The following CSPG5 variants were observed in gnomAD, a reference collection of about 807,000 sequenced individuals.
CSPG5 encodes acidic leucine-rich EGF-like domain-containing brain protein.
CSPG5 carries 25 observed loss-of-function variants against 39.8 expected under a neutral mutation model. The ratio of observed to expected loss-of-function variants is 0.63; its 90% CI spans 0.46 to 0.88. The LOEUF is 0.88. Ranked by LOEUF, CSPG5 falls within the 40% of genes least tolerant of loss-of-function variation. The pLI is 0.00. For synonymous variants in CSPG5, 295 were observed against 303.9 expected (o/e 0.97, Z 0.31); for missense variants, 627 against 702.2 (o/e 0.89, Z 1.21).
chr3:47,577,905 C>A lies in CSPG5; in HGVS notation c.121G>T (p.Glu41Ter). Residue 41 changes from glutamate to a stop codon, truncating the protein, a stop_gained, in exon 2 of 5, where the codon GAG becomes TAG. Transcript: ENST00000264723. LOFTEE classifies it high-confidence loss of function. The surrounding 1 kb of genome is among the most constrained non-coding windows in gnomAD (Gnocchi z 4.7). The part of the protein sequence containing the change: ...VPAREAGSAV[E>*]AEELVKGSPA... ...CTGCCCTTCACCAGCTCTTCGGCCTCAACCGCGCTGCCCGCCTCACGCGCT... is the reference window on the plus strand; with the variant it reads ...CTGCCCTTCACCAGCTCTTCGGCCTAAACCGCGCTGCCCGCCTCACGCGCT... The A allele has an allele frequency of 6.8e-7, 1 of 1,467,316 alleles. No homozygotes were observed. The highest frequency in any genetic ancestry group is 2.6e-5 in the East Asian group (1 of 38,870). The allele number at this position is 1,467,316 out of a possible 1,614,324, so 90.9% of individuals were successfully genotyped here.
chr3:47,577,981 C>G lies in CSPG5; in HGVS notation c.98-53G>C, dbSNP rs1369930256. On this transcript the variant is annotated intron_variant, in intron 1 of 4. Coordinates refer to ENST00000264723, the MANE Select transcript of CSPG5 (RefSeq NM_006574.4). The surrounding 1 kb of genome is among the most constrained non-coding windows in gnomAD (Gnocchi z 4.7). Reference sequence around the variant, plus strand: ...CGTCAGGGCGGCGCGCTGAGGAGCCCTGGAGCCCCGGCCCGCCCCGGTCAG... The same window carrying G: ...CGTCAGGGCGGCGCGCTGAGGAGCCGTGGAGCCCCGGCCCGCCCCGGTCAG... The G allele has an allele frequency of 7.3e-7, 1 of 1,369,796 alleles. No homozygotes were observed. The highest frequency in any genetic ancestry group is 9.3e-7 in the Non-Finnish European group (1 of 1,070,706). The allele number at this position is 1,369,796 out of a possible 1,614,324, so 84.9% of individuals were successfully genotyped here.
chr3:47,567,527 C>T (rs1163996402), intron 4 of CSPG5, among the ~76,000 whole-genome samples: 1 of 152,190 alleles, frequency 6.6e-6, no homozygotes, highest in Admixed American at 6.5e-5. Context: ...ATAATCTGTT[C>T]TTTTTCTACC....
chr3:47,564,859 C>T (rs528070575), intron 4 of CSPG5, among the ~76,000 whole-genome samples: 5 of 151,956 alleles, frequency 3.3e-5, no homozygotes, highest in African/African-American at 7.3e-5. Flanking sequence ...TTTTTTATTT[C>T]GTGTACTTCT....
intron 4 of CSPG5, among the ~76,000 whole-genome samples, chr3:47,567,853 G>A (rs762306369): frequency 6.6e-6 from 1 of 152,070 alleles, no homozygotes; most frequent in Non-Finnish European, 1.5e-5. Flanking sequence ...CTTTACAAAA[G>A]TTAAAATAAT....
At position 47,578,490 on chromosome 3, in the gene CSPG5, C is replaced by T. The variant is rs1324686195; in HGVS notation, c.97+107G>A. 9.8e-6 allele frequency: 3 copies of T among 306,612 alleles called. No homozygotes were observed. The highest frequency in any genetic ancestry group is 1.6e-5 in the Non-Finnish European group (3 of 182,736). 19.0% of individuals were successfully genotyped at this position (306,612 alleles called of 1,614,324 possible). A position where few individuals can be genotyped will look rare whatever the true frequency, so the allele number is the denominator to read the frequency against. ...GCCCGGCCGCGGCCAGGCGGTGCCCCGCCCCCTTGCCACAGCTCACAGCTC... is the reference window on the plus strand; with the variant it reads ...GCCCGGCCGCGGCCAGGCGGTGCCCTGCCCCCTTGCCACAGCTCACAGCTC... On this transcript the variant is annotated intron_variant, in intron 1 of 4. Coordinates refer to ENST00000264723, the MANE Select transcript of CSPG5 (RefSeq NM_006574.4). This position sits in a 1 kb window ranked among gnomAD's most constrained non-coding sequence, Gnocchi z 6.0.
At chr3:47,576,134 T>A (rs1173447031) in intron 2 of CSPG5, among the ~76,000 whole-genome samples, 1 of 151,744 alleles carries the variant, frequency 6.6e-6, no homozygotes. Context: ...ACAGGGTTTC[T>A]CCATGTTGGT....
chr3:47,568,089 T>C (rs1048160369), intron 4 of CSPG5, among the ~76,000 whole-genome samples: 1 of 152,212 alleles, frequency 6.6e-6, no homozygotes, highest in African/African-American at 2.4e-5. Context: ...CTGAGGCCCC[T>C]GTGAGGTCTG....
intron 2 of CSPG5, among the ~76,000 whole-genome samples, chr3:47,575,147 C>T (rs545235601): frequency 6.6e-6 from 1 of 150,598 alleles, no homozygotes; most frequent in African/African-American, 2.4e-5. Flanking sequence ...ATACCCTGGC[C>T]GGGCGTGGTG....
chr3:47,571,805 T>G (rs2031539365), intron 3 of CSPG5, among the ~76,000 whole-genome samples: 1 of 152,154 alleles, frequency 6.6e-6, no homozygotes, highest in Non-Finnish European at 1.5e-5. Flanking sequence ...CTGCATAAAT[T>G]GTCTCTGGGG....
In CSPG5 at chr3:47,562,739, T is replaced by G. The variant is rs1576366539; in HGVS notation, c.1481A>C (p.Lys494Thr). 1 of 1,613,828 alleles carries G rather than the reference T, an allele frequency of 6.2e-7. No individual in the cohort carries two copies. The highest frequency in any genetic ancestry group is 8.5e-7 in the Non-Finnish European group (1 of 1,179,932). ...GCAGGACTTGAGAACCTCCTGGATTTTGTGGGGAGCACTAGGATCATCCTG... is the reference window on the plus strand; with the variant it reads ...GCAGGACTTGAGAACCTCCTGGATTGTGTGGGGAGCACTAGGATCATCCTG... Reference protein sequence around the residue: ...HPNDDPSAPHKIQEVLKSCLK... With the variant: ...HPNDDPSAPHTIQEVLKSCLK... Residue 494 changes from lysine to threonine, a missense_variant, in exon 5 of 5, where the codon AAA (lysine) becomes ACA (threonine). Lys to Thr is a moderately conservative substitution (Grantham distance 78). Coordinates refer to ENST00000264723, the MANE Select transcript of CSPG5 (RefSeq NM_006574.4).
In CSPG5 at chr3:47,572,742, G is replaced by T; in HGVS notation, c.1326C>A (p.Phe442Leu). ...VLLLLFMMTV[F>L]FAKKLYLLKT... ...TGAGCAGGTAGAGCTTCTTGGCAAA[G>T]AACACCGTCATCATGAAGAGCAGGA... The change falls in exon 3 of 5, where the codon TTC (phenylalanine) becomes TTA (leucine). Residue 442 changes from phenylalanine to leucine, a missense_variant. By Grantham distance (22) the Phe-to-Leu change is conservative. Coordinates refer to ENST00000264723, the MANE Select transcript of CSPG5 (RefSeq NM_006574.4). The surrounding 1 kb of genome is among the most constrained non-coding windows in gnomAD (Gnocchi z 4.5). The T allele has an allele frequency of 6.2e-7, 1 of 1,614,162 alleles. No individual in the cohort carries two copies.
intron 3 of CSPG5, among the ~76,000 whole-genome samples, chr3:47,569,750 CT>C (rs145182794): frequency 0.56 from 75,043 of 134,554 alleles, 20,723 homozygotes; most frequent in East Asian, 0.7. Flanking sequence ...CTATTCTTTT[CT>C]TTTTTTTTTT....
rs570239186 is a variant in CSPG5 at position 47,578,083 on chromosome 3, C to T, written c.98-155G>A. 1.1e-5 allele frequency: 13 copies of T among 1,161,894 alleles called. No homozygotes were observed. The Admixed American group carries it at 5.0e-4, about 45-fold the overall frequency. The allele number at this position is 1,161,894 out of a possible 1,614,324, so 72.0% of individuals were successfully genotyped here. A position where few individuals can be genotyped will look rare whatever the true frequency, so the allele number is the denominator to read the frequency against. On this transcript the variant is annotated intron_variant, in intron 1 of 4. Transcript: ENST00000264723. This position sits in a 1 kb window ranked among gnomAD's most constrained non-coding sequence, Gnocchi z 6.0. The stretch of plus-strand genomic sequence containing the variant: ...CCGCCCCAGTGTGACCCCAGCCACC[C>T]GGTACCTCTAAGCCCCGTCCCGGAG...
At chr3:47,571,581 C>T (rs966506254) in intron 3 of CSPG5, among the ~76,000 whole-genome samples, 4 of 152,220 alleles carry the variant, frequency 2.6e-5, no homozygotes, top group African/African-American at 4.8e-5. Flanking sequence ...ATGGAGAGGC[C>T]GTACCAGCCC....
In CSPG5 at chr3:47,578,061, C is replaced by T; in HGVS notation, c.98-133G>A. ...ACCTCGCCACCCTCAGACCCCACCG[C>T]CCCAGTGTGACCCCAGCCACCCGGT... On this transcript the variant is annotated intron_variant, in intron 1 of 4. Transcript: ENST00000264723. The surrounding 1 kb of genome is among the most constrained non-coding windows in gnomAD (Gnocchi z 6.0). 1 of 1,270,124 alleles carries T rather than the reference C, an allele frequency of 7.9e-7. No individual in the cohort carries two copies. The highest frequency in any genetic ancestry group is 4.1e-5 in the Admixed American group (1 of 24,168). 78.7% of individuals were successfully genotyped at this position (1,270,124 alleles called of 1,614,324 possible).
chr3:47,577,332 G>T lies in CSPG5; in HGVS notation c.694C>A (p.Pro232Thr), dbSNP rs1469167874. 2 of 1,613,826 alleles carry T rather than the reference G, an allele frequency of 1.2e-6. No homozygotes were observed. Among genetic ancestry groups the T allele is most frequent in the Admixed American group, 3.3e-5 (2 of 59,990 alleles). Residue 232 changes from proline (P) to threonine (T), a missense_variant, in exon 2 of 5, where the codon CCA becomes ACA. Pro to Thr is a conservative substitution (Grantham distance 38). Transcript: ENST00000264723. This position sits in a 1 kb window ranked among gnomAD's most constrained non-coding sequence, Gnocchi z 4.7. ...TCAGGGTGGTTCTCTGAGGTTCCTG[G>T]TGACCCTGGGAAGCTCCCCAGATCT... Reference protein sequence around the residue: ...GADLGSFPGSPGTSENHPDTE... With the variant: ...GADLGSFPGSTGTSENHPDTE...
intron 2 of CSPG5, among the ~76,000 whole-genome samples, chr3:47,575,421 A>G (rs1159681894): frequency 6.6e-6 from 1 of 152,218 alleles, no homozygotes; most frequent in Non-Finnish European, 1.5e-5. Flanking sequence ...TTCTTCCGGA[A>G]TCAGGCTGCA....
chr3:47,567,243 G>T (rs1365230553), intron 4 of CSPG5, among the ~76,000 whole-genome samples: 1 of 152,092 alleles, frequency 6.6e-6, no homozygotes, highest in African/African-American at 2.4e-5. Flanking sequence ...AGGAGCTCCC[G>T]TCCTGGCAGA....
chr3:47,570,472 C>T (rs2031486804), intron 3 of CSPG5, among the ~76,000 whole-genome samples: 1 of 151,904 alleles, frequency 6.6e-6, no homozygotes, highest in Non-Finnish European at 1.5e-5. Context: ...AAAACACTTC[C>T]ACCACTTAAA....
Sources: gnomAD v4.1 joint callset for allele counts (sites outside exome capture counted in the v4.1 genomes callset) on GRCh38, gnomAD v4.1.1 for gene constraint, Gnocchi (gnomAD v3.1) non-coding constraint, MANE v1.5 for transcripts, NCBI Gene and HGNC (gene_info 2026-07-23, HGNC 2026-07-21) for gene names.